The following GABRR3 variants were observed in gnomAD, a reference collection of about 807,000 sequenced individuals.
GABRR3 encodes gamma-aminobutyric acid type A receptor subunit rho3.
Under a neutral mutation model 43.2 loss-of-function variants are expected in GABRR3, and 29 were observed. The ratio of observed to expected loss-of-function variants is 0.67; its 90% CI spans 0.50 to 0.92. GABRR3 has a LOEUF of 0.92. Ranked by LOEUF, GABRR3 falls within the 40% of genes least tolerant of loss-of-function variation. The probability of loss-of-function intolerance (pLI) is 0.00; values close to 1 mark genes in which losing one functional copy is unlikely to be tolerated. For missense variants in GABRR3, 576 were observed against 572.3 expected (o/e 1.01, Z -0.07); for synonymous variants, 206 against 195.9 (o/e 1.05, Z -0.43).
chr3:97,999,000 T>A (rs1177661066), intron 8 of GABRR3: 1 of 151,896 alleles, frequency 6.6e-6, no homozygotes, highest in African/African-American at 2.4e-5. Flanking sequence ...TGTAAATGGG[T>A]CCTAAGGCCA....
At chr3:98,002,259 A>G (rs1003120529) in intron 7 of GABRR3, among the ~76,000 whole-genome samples, 1 of 152,214 alleles carries the variant, frequency 6.6e-6, no homozygotes, top group Non-Finnish European at 1.5e-5. Flanking sequence ...AGAAAACAGC[A>G]TCCATAAGCT....
chr3:98,012,079 C>A (rs1706800434), intron 5 of GABRR3, among the ~76,000 whole-genome samples: 1 of 152,058 alleles, frequency 6.6e-6, no homozygotes, highest in African/African-American at 2.4e-5. Context: ...ATATTGTGTG[C>A]CAGATTTTAG....
intron 4 of GABRR3, among the ~76,000 whole-genome samples, chr3:98,015,330 C>T (rs1175869440): frequency 6.6e-6 from 1 of 152,128 alleles, no homozygotes; most frequent in African/African-American, 2.4e-5. Flanking sequence ...GTAGCTGGGA[C>T]TACAGGGATG....
intron 8 of GABRR3, among the ~76,000 whole-genome samples, chr3:97,995,442 T>A (rs961175718): frequency 1.3e-5 from 2 of 152,130 alleles, no homozygotes; most frequent in Non-Finnish European, 2.9e-5. Flanking sequence ...TTGAAATTGA[T>A]AACTACTGGG....
chr3:97,989,448 G>A (rs1706433893), intron 9 of GABRR3, among the ~76,000 whole-genome samples: 1 of 150,838 alleles, frequency 6.6e-6, no homozygotes, highest in Non-Finnish European at 1.5e-5. Flanking sequence ...GGTGGTGGGT[G>A]GTGGGTGGTG....
At chr3:98,017,621 C>T in intron 4 of GABRR3, 34 bp downstream of exon 4, 2 of 1,524,644 alleles carry the variant, frequency 1.3e-6, no homozygotes, top group Non-Finnish European at 1.8e-6. Flanking sequence ...TCTGTCTTTT[C>T]AGAAAAAGAG....
At chr3:98,022,138 T>C (rs906614644) in intron 3 of GABRR3, among the ~76,000 whole-genome samples, 1 of 152,218 alleles carries the variant, frequency 6.6e-6, no homozygotes, top group Admixed American at 6.5e-5. Context: ...ATCTGCATAC[T>C]GAAATGATTT....
rs773678904 is a variant in GABRR3, at chr3:98,007,735, T to G, written c.754+29A>C. 4 of 1,611,812 alleles carry G rather than the reference T, an allele frequency of 2.5e-6. No homozygotes were observed. In the East Asian group the frequency reaches 8.9e-5, roughly 36 times the overall value. On this transcript the variant is annotated intron_variant, in intron 7 of 9. Transcript: ENST00000621172. ...CAAACAGTAGATGTCCAATAAATGC[T>G]GATGAATCACCCATGTAAAATGCTG...
At chr3:98,029,843 C>T (rs113203264) in intron 2 of GABRR3, among the ~76,000 whole-genome samples, 1,944 of 152,140 alleles carry the variant, frequency 0.013, 31 homozygotes, top group African/African-American at 0.042. Flanking sequence ...AGGCCAGGTG[C>T]GATGGCTCAC....
intron 2 of GABRR3, among the ~76,000 whole-genome samples, chr3:98,030,945 A>T (rs143833283): frequency 1.2e-3 from 183 of 152,352 alleles, no homozygotes; most frequent in African/African-American, 4.1e-3. Context: ...GGGAAAATCA[A>T]TTGGTCCAAT....
chr3:98,000,136 G>T (rs1470399759), intron 8 of GABRR3: 2 of 152,092 alleles, frequency 1.3e-5, no homozygotes, highest in East Asian at 3.9e-4. Context: ...GGACACTTCT[G>T]ATTTGCATGC....
chr3:98,006,432 T>A (rs1706725302), intron 7 of GABRR3, among the ~76,000 whole-genome samples: 1 of 152,198 alleles, frequency 6.6e-6, no homozygotes, highest in Admixed American at 6.5e-5. Flanking sequence ...TTCTTCTGGG[T>A]CTAAATAGAT....
chr3:97,988,240 GTATTT>G (rs1305006907), intron 9 of GABRR3, among the ~76,000 whole-genome samples: 13 of 151,718 alleles, frequency 8.6e-5, no homozygotes, highest in Non-Finnish European at 1.9e-4. Context: ...CCCAGAGACA[GTATTT>G]TATTTTATTT....
exon 2 of GABRR3, chr3:98,034,973 G>T: frequency 6.2e-7 from 1 of 1,612,550 alleles, no homozygotes; most frequent in African/African-American, 1.3e-5. Context: ...AGACTAACTG[G>T]AAAGCCAGGA....
chr3:98,027,373 C>T (rs1387001265), intron 2 of GABRR3, among the ~76,000 whole-genome samples: 1 of 152,194 alleles, frequency 6.6e-6, no homozygotes, highest in African/African-American at 2.4e-5. Flanking sequence ...CTACTTGTTA[C>T]TATTTTAAGA....
Position 98,025,609 on chromosome 3 carries a change from G to A in GABRR3, c.196C>T (p.His66Tyr), listed in dbSNP as rs1359006680. ...ATTGCGAAATCGTTGTCCTCTATAT[G>A]GAGAAGTTGCTCATATTTCTGAGGC... The change falls in exon 3 of 10, where the codon CAT (histidine) becomes TAT (tyrosine). Residue 66 changes from histidine to tyrosine, a missense_variant. Physicochemically the swap from His to Tyr is moderately conservative, Grantham distance 83 (BLOSUM62 2). Coordinates refer to ENST00000621172, the Ensembl canonical transcript of GABRR3. 2.5e-6 allele frequency: 4 copies of A among 1,612,720 alleles called. No individual in the cohort carries two copies. In the African/African-American group the frequency reaches 5.3e-5, roughly 22 times the overall value.
chr3:98,017,824 C>T (rs907095495), intron 3 of GABRR3, 102 bp from the exon 4 acceptor site: 2 of 769,644 alleles, frequency 2.6e-6, no homozygotes, highest in Admixed American at 3.1e-5. Context: ...AACTGAATTA[C>T]TGTTAAAGTT....
chr3:98,034,260 A>C (rs1412561772), intron 2 of GABRR3, among the ~76,000 whole-genome samples: 1 of 152,142 alleles, frequency 6.6e-6, no homozygotes. Flanking sequence ...CCCTAGGCAA[A>C]TTGGTGTATA....
chr3:97,994,367 T>A (rs1706508997), intron 8 of GABRR3, among the ~76,000 whole-genome samples: 1 of 152,224 alleles, frequency 6.6e-6, no homozygotes, highest in African/African-American at 2.4e-5. Context: ...CTTGGCAATT[T>A]GACAGTACCA....
Sources: gnomAD v4.1 joint callset for allele counts (sites outside exome capture counted in the v4.1 genomes callset) on GRCh38, gnomAD v4.1.1 for gene constraint, MANE v1.5 for transcripts, NCBI Gene and HGNC (gene_info 2026-07-23, HGNC 2026-07-21) for gene names.